Variants in IQCB1 observed in about 807,000 individuals in gnomAD.
IQCB1 encodes the protein IQ calmodulin-binding motif-containing protein 1.
In IQCB1, 56 loss-of-function variants were observed where a neutral mutation model predicts 84.4. The observed-to-expected ratio is 0.66, with a 90% CI of 0.54 to 0.83. The LOEUF (loss-of-function observed/expected upper bound fraction) is 0.83. Ranked by LOEUF, IQCB1 falls within the 40% of genes least tolerant of loss-of-function variation. IQCB1 has a pLI of 0.00. For missense variants in IQCB1, 629 were observed against 682.1 expected, an observed-to-expected ratio of 0.92 and a Z score of 0.87; for synonymous variants, 210 against 234.8, an observed-to-expected ratio of 0.89 and a Z score of 0.96.
chr3:121,792,829 G>A (rs550572974), intron 10 of IQCB1, among the ~76,000 whole-genome samples: 11 of 152,094 alleles, frequency 7.2e-5, no homozygotes, highest in Non-Finnish European at 8.8e-5. Context: ...AAATAACATC[G>A]AGTTATTTTG....
chr3:121,796,963 C>T (rs918570271), intron 9 of IQCB1, among the ~76,000 whole-genome samples, 155 bp downstream of exon 9: 5 of 152,112 alleles, frequency 3.3e-5, no homozygotes, highest in Non-Finnish European at 5.9e-5. Context: ...ATCCTCCTGC[C>T]TCAACCTCCT....
At chr3:121,824,303 T>TA (rs143540921) in intron 5 of IQCB1, among the ~76,000 whole-genome samples, 1 of 152,286 alleles carries the variant, frequency 6.6e-6, no homozygotes, top group East Asian at 1.9e-4. Context: ...ACAGTGCTGA[T>TA]ATGCTGGTCA....
At position 121,834,446 on chromosome 3, in the gene IQCB1, C is replaced by T. The variant is rs996930823; in HGVS notation, c.-68G>A. The T allele has an allele frequency of 2.6e-5, 4 of 152,196 alleles. No homozygotes were observed. Among genetic ancestry groups the T allele is most frequent in the African/African-American group, 9.7e-5 (4 of 41,416 alleles). The allele number at this position is 152,196 out of a possible 1,614,324, so 9.4% of individuals were successfully genotyped here. A position where few individuals can be genotyped will look rare whatever the true frequency, so the allele number is the denominator to read the frequency against. On this transcript the variant is annotated 5_prime_UTR_variant, in exon 2 of 15. Coordinates refer to ENST00000310864, the MANE Select transcript of IQCB1 (RefSeq NM_001023570.4). ...CCTTGATTCTTCGGGAATCACTTCTCCCTCGCCGCGCCTGTTACTGCCTCC... is the reference window on the plus strand; with the variant it reads ...CCTTGATTCTTCGGGAATCACTTCTTCCTCGCCGCGCCTGTTACTGCCTCC...
At chr3:121,827,663 T>G (rs1050393211) in intron 4 of IQCB1, among the ~76,000 whole-genome samples, 1 of 152,134 alleles carries the variant, frequency 6.6e-6, no homozygotes, top group East Asian at 1.9e-4. Flanking sequence ...TGTAACTGTG[T>G]GCTTTAAATT....
rs781322783 is a variant in IQCB1 at position 121,776,574 on chromosome 3, A to G, written c.1411-3861T>C. Among the ~76,000 whole-genome samples, 12 of 152,218 alleles carry G rather than the reference A, an allele frequency of 7.9e-5. No homozygotes were observed. In the South Asian group the frequency reaches 2.5e-3, roughly 32 times the overall value. ...GTCGGTTATTTTTTGAAAAATTTTA[A>G]ATTTTTATTAAAAAAATTAGAGAGA... On this transcript the variant is annotated intron_variant, in intron 13 of 14. Transcript: ENST00000310864.
intron 4 of IQCB1, among the ~76,000 whole-genome samples, chr3:121,828,170 AT>A (rs1469722080): frequency 6.6e-6 from 1 of 152,118 alleles, no homozygotes; most frequent in Non-Finnish European, 1.5e-5. Flanking sequence ...CAGTGCCTTA[AT>A]TTCTTCACTT....
chr3:121,807,433 A>C lies in IQCB1; in HGVS notation c.498T>G (p.Ser166Arg). ...HVELIQNVLQ[S>R]DHFLHLLQAD... Reference sequence around the variant, plus strand: ...CTTGCAGTAAATGTAAGAAATGATCACTTTGTAGTACTAAAGGAAAAGAAA... The same window carrying C: ...CTTGCAGTAAATGTAAGAAATGATCCCTTTGTAGTACTAAAGGAAAAGAAA... The change falls in exon 7 of 15, where the codon AGT becomes AGG. Residue 166 changes from serine (S) to arginine (R), a missense_variant. Physicochemically the swap from Ser to Arg is moderately radical, Grantham distance 110. Coordinates refer to ENST00000310864, the MANE Select transcript of IQCB1 (RefSeq NM_001023570.4). 3.4e-6 allele frequency: 5 copies of C among 1,454,574 alleles called. No homozygotes were observed. The highest frequency in any genetic ancestry group is 4.8e-6 in the Non-Finnish European group (5 of 1,035,788). The allele number at this position is 1,454,574 out of a possible 1,614,324, so 90.1% of individuals were successfully genotyped here.
chr3:121,808,847 A>G lies in IQCB1; in HGVS notation c.487+69T>C. On this transcript the variant is annotated intron_variant, in intron 6 of 14. Coordinates refer to ENST00000310864, the MANE Select transcript of IQCB1 (RefSeq NM_001023570.4). ...AGTTCATGTGGCATTTGTTTTTGGA[A>G]AAAACGATCAAACTGTTAGCAGTTG... 3 of 954,364 alleles carry G rather than the reference A, an allele frequency of 3.1e-6. No individual in the cohort carries two copies. In the South Asian group the frequency reaches 4.0e-5, roughly 13 times the overall value. 59.1% of individuals were successfully genotyped at this position (954,364 alleles called of 1,614,324 possible).
At chr3:121,803,935 A>ATC (rs1391823787) in intron 7 of IQCB1, among the ~76,000 whole-genome samples, 2 of 151,782 alleles carry the variant, frequency 1.3e-5, no homozygotes, top group Non-Finnish European at 2.9e-5. Context: ...CCACATTTAC[A>ATC]TCTAAGATAG....
chr3:121,791,153 G>A (rs971653017), intron 10 of IQCB1, among the ~76,000 whole-genome samples: 1 of 152,200 alleles, frequency 6.6e-6, no homozygotes, highest in South Asian at 2.1e-4. Flanking sequence ...TTAGTTTACC[G>A]CTATAGACTT....
chr3:121,780,864 A>ATG lies in IQCB1; in HGVS notation c.1410+877_1410+878dup, dbSNP rs67059736. Among the ~76,000 whole-genome samples the ATG allele has an allele frequency of 1.0e-4, 15 of 147,676 alleles. No homozygotes were observed. The East Asian group carries it at 1.2e-3, about 12-fold the overall frequency. ...TCTGTGTGTGTATCTGTGTGTGTGT[A>ATG]TGTGTGTGTGTGTGTGTGTGAGAGA... On this transcript the variant is annotated intron_variant, in intron 13 of 14. Transcript: ENST00000310864.
At position 121,834,957 on chromosome 3, in the gene IQCB1, A is replaced by G. The variant is rs1033390064; in HGVS notation, c.-102+9T>C. ...TCTCCCTCCCCAGCCACCACCTCAGATAAGTTACCTCATCCTCGCTTCGCG... is the reference window on the plus strand; with the variant it reads ...TCTCCCTCCCCAGCCACCACCTCAGGTAAGTTACCTCATCCTCGCTTCGCG... On this transcript the variant is annotated intron_variant, in intron 1 of 14. Coordinates refer to ENST00000310864, the MANE Select transcript of IQCB1 (RefSeq NM_001023570.4). 5.1e-5 allele frequency: 21 copies of G among 413,084 alleles called. No individual in the cohort carries two copies. Among genetic ancestry groups the G allele is most frequent in the African/African-American group, 1.0e-4 (5 of 49,712 alleles). 25.6% of individuals were successfully genotyped at this position (413,084 alleles called of 1,614,324 possible).
chr3:121,781,884 A>G lies in IQCB1; in HGVS notation c.1279-10T>C. The G allele has an allele frequency of 6.2e-7, 1 of 1,612,132 alleles. No individual in the cohort carries two copies. The highest frequency in any genetic ancestry group is 8.5e-7 in the Non-Finnish European group (1 of 1,178,634). ...CTAGGAATTTAAGCGCCTGGAAGAA[A>G]AAAAATTGAAGGTTTGTGATTTTTC... On this transcript the variant is annotated splice_polypyrimidine_tract_variant and intron_variant, in intron 12 of 14. Coordinates refer to ENST00000310864, the MANE Select transcript of IQCB1 (RefSeq NM_001023570.4).
chr3:121,778,242 C>T (rs189677847), intron 13 of IQCB1, among the ~76,000 whole-genome samples: 2 of 152,160 alleles, frequency 1.3e-5, no homozygotes, highest in East Asian at 3.9e-4. Flanking sequence ...TCTTTTTCTT[C>T]TTGAGTTGAG....
At chr3:121,794,068 T>C (rs1949091784) in intron 10 of IQCB1, among the ~76,000 whole-genome samples, 1 of 152,072 alleles carries the variant, frequency 6.6e-6, no homozygotes, top group Non-Finnish European at 1.5e-5. Flanking sequence ...ATGCTTTGGG[T>C]AGAAAAATAT....
intron 4 of IQCB1, 60 bp downstream of exon 4, chr3:121,828,410 T>A: frequency 6.9e-7 from 1 of 1,456,406 alleles, no homozygotes. Context: ...AAGCAAATGT[T>A]GAAAATCAGA....
chr3:121,779,097 T>C (rs1948370495), intron 13 of IQCB1, among the ~76,000 whole-genome samples: 1 of 152,052 alleles, frequency 6.6e-6, no homozygotes, highest in Non-Finnish European at 1.5e-5. Flanking sequence ...AAATTTTTTT[T>C]TGTTTTTAAG....
At chr3:121,773,879 A>G (rs1948110872) in intron 13 of IQCB1, among the ~76,000 whole-genome samples, 1 of 149,280 alleles carries the variant, frequency 6.7e-6, no homozygotes, top group South Asian at 2.1e-4. Context: ...AAAGCACAGG[A>G]AAAAAAAAAC....
At chr3:121,772,110 G>T (rs1948018265) in intron 14 of IQCB1, among the ~76,000 whole-genome samples, 1 of 152,094 alleles carries the variant, frequency 6.6e-6, no homozygotes, top group South Asian at 2.1e-4. Context: ...GGGAGGCGGA[G>T]GTTGCAGTGA....
Sources: allele counts gnomAD v4.1 joint callset (sites outside exome capture counted in the v4.1 genomes callset), GRCh38; gene constraint gnomAD v4.1.1; transcripts MANE v1.5; gene names NCBI Gene and HGNC (gene_info 2026-07-23, HGNC 2026-07-21).